The following PCSK6 variants were observed in gnomAD, a reference collection of about 807,000 sequenced individuals.
PCSK6 encodes the protein proprotein convertase subtilisin/kexin type 6.
In PCSK6, 85 loss-of-function variants were observed where a neutral mutation model predicts 123.3. That is an observed-to-expected ratio of 0.69 (90% CI 0.58 to 0.83). The LOEUF is 0.83. Ranked by LOEUF, PCSK6 falls within the 40% of genes least tolerant of loss-of-function variation. The probability of loss-of-function intolerance (pLI) is 0.00; values close to 1 mark genes in which losing one functional copy is unlikely to be tolerated. For synonymous variants in PCSK6, 508 were observed against 516.0 expected (o/e 0.98, Z 0.21); for missense variants, 1,191 against 1,282.3 (o/e 0.93, Z 1.09).
intron 1 of PCSK6, among the ~76,000 whole-genome samples, chr15:101,468,061 CAT>C: frequency 6.6e-6 from 1 of 152,156 alleles, no homozygotes; most frequent in Non-Finnish European, 1.5e-5. Flanking sequence ...AAATGTTAAA[CAT>C]GTTTCAAAAA....
chr15:101,392,536 C>T (rs1317441081), intron 8 of PCSK6, among the ~76,000 whole-genome samples: 1 of 148,474 alleles, frequency 6.7e-6, no homozygotes, highest in Admixed American at 6.7e-5. Flanking sequence ...TACAAGTCAA[C>T]GTAATGACTT....
intron 20 of PCSK6, chr15:101,308,119 C>G (rs1326315361): frequency 6.6e-6 from 1 of 152,258 alleles, no homozygotes; most frequent in Non-Finnish European, 1.5e-5. Context: ...AAGCACTTGC[C>G]GATGCGGGCC....
chr15:101,382,413 TCTG>T (rs1434386231), intron 10 of PCSK6, among the ~76,000 whole-genome samples: 1 of 149,348 alleles, frequency 6.7e-6, no homozygotes, highest in Admixed American at 6.6e-5. Flanking sequence ...CCCAACTCCT[TCTG>T]CTAAATTTAG....
chr15:101,395,853 G>A (rs1158757565), intron 7 of PCSK6, among the ~76,000 whole-genome samples: 7 of 152,140 alleles, frequency 4.6e-5, no homozygotes, highest in Admixed American at 2.6e-4. Context: ...ATGTCTAATG[G>A]TCCCTTCTGA....
At chr15:101,333,021 C>T (rs2040402568) in intron 13 of PCSK6, among the ~76,000 whole-genome samples, 1 of 152,236 alleles carries the variant, frequency 6.6e-6, no homozygotes, top group South Asian at 2.1e-4. Flanking sequence ...TGGGATGAAT[C>T]CACCATAAGT....
chr15:101,307,019 G>GAGGGAAGCTGGGAGAC (rs1281887003), intron 21 of PCSK6, among the ~76,000 whole-genome samples, 194 bp downstream of exon 21: 1 of 152,238 alleles, frequency 6.6e-6, no homozygotes, highest in Non-Finnish European at 1.5e-5. Context: ...GAGAGGCCTA[G>GAGGGAAGCTGGGAGAC]AGGGAAGCTG....
rs759051637 is a variant in PCSK6 at position 101,384,367 on chromosome 15, G to A, written c.1369C>T (p.His457Tyr). Residue 457 changes from histidine (H) to tyrosine (Y), a missense_variant, in exon 10 of 22, where the codon CAC (histidine) becomes TAC (tyrosine). Physicochemically the swap from His to Tyr is moderately conservative, Grantham distance 83. Transcript: ENST00000611716. ...ACTTTCCAGTCGCTCGCTTTCAGGT[G>A]GGCCGGCCGGGATGTCTTCACTAGC... ...HLLVKTSRPA[H>Y]LKASDWKVNG... 1.1e-5 allele frequency: 18 copies of A among 1,613,706 alleles called. No homozygotes were observed. The highest frequency in any genetic ancestry group is 1.2e-5 in the Non-Finnish European group (14 of 1,179,858).
intron 1 of PCSK6, among the ~76,000 whole-genome samples, chr15:101,452,634 G>A (rs573740617): frequency 6.6e-6 from 1 of 152,332 alleles, no homozygotes; most frequent in East Asian, 1.9e-4. Context: ...ATGGGGGAAC[G>A]TGGAATCGAG....
rs531275908 is a variant in PCSK6, at chr15:101,381,507, C to T, written c.1532+585G>A. Among the ~76,000 whole-genome samples, 318 of 152,294 alleles carry T rather than the reference C, an allele frequency of 2.1e-3. 4 individuals carry two copies. Among genetic ancestry groups the T allele is most frequent in the Non-Finnish European group, 9.4e-4 (64 of 68,022 alleles). On this transcript the variant is annotated intron_variant, in intron 11 of 21. Coordinates refer to ENST00000611716, the MANE Select transcript of PCSK6 (RefSeq NM_002570.5). ...TCGAGCCTTGTTAAAAAAATCCCAGCGCTTAAGCCTTAAGAAGGTTGTACG... is the reference window on the plus strand; with the variant it reads ...TCGAGCCTTGTTAAAAAAATCCCAGTGCTTAAGCCTTAAGAAGGTTGTACG...
chr15:101,379,398 A>G (rs1178656823), intron 11 of PCSK6, among the ~76,000 whole-genome samples: 1 of 152,230 alleles, frequency 6.6e-6, no homozygotes, highest in East Asian at 1.9e-4. Flanking sequence ...CGTGCTTAAC[A>G]TCCAGTGAAC....
At chr15:101,338,003 A>T (rs1272499723) in intron 13 of PCSK6, among the ~76,000 whole-genome samples, 1 of 152,210 alleles carries the variant, frequency 6.6e-6, no homozygotes, top group Non-Finnish European at 1.5e-5. Flanking sequence ...CGAAAGTGGA[A>T]CCACTGGGTC....
intron 13 of PCSK6, 67 bp downstream of exon 13, chr15:101,366,129 T>C: frequency 1.3e-6 from 2 of 1,481,596 alleles, no homozygotes; most frequent in Non-Finnish European, 1.8e-6. Flanking sequence ...CGTAGTTAAA[T>C]AAGGCCCAGA....
At chr15:101,323,664 C>CA (rs2040183651) in intron 17 of PCSK6, among the ~76,000 whole-genome samples, 1 of 147,806 alleles carries the variant, frequency 6.8e-6, no homozygotes, top group East Asian at 2.0e-4. Flanking sequence ...ACCCAAGGGG[C>CA]AGAGGGTGCA....
At chr15:101,483,767 G>A (rs747800263) in intron 1 of PCSK6, among the ~76,000 whole-genome samples, 7 of 152,256 alleles carry the variant, frequency 4.6e-5, no homozygotes, top group South Asian at 4.1e-4. Flanking sequence ...CCTGGGCTCC[G>A]TGTCCAGCTC....
In PCSK6 at chr15:101,366,182, CAA is replaced by C. The variant is rs768556807; in HGVS notation, c.1858+12_1858+13del. The C allele has an allele frequency of 1.2e-6, 2 of 1,606,586 alleles. No individual in the cohort carries two copies. Among genetic ancestry groups the C allele is most frequent in the Non-Finnish European group, 1.7e-6 (2 of 1,175,996 alleles). ...GATACAAAAGCTGTCATGAGATTCC[CAA>C]GAGCCACTGACCTTGCTTCTCCGGG... On this transcript the variant is annotated intron_variant, in intron 13 of 21. Transcript: ENST00000611716.
intron 6 of PCSK6, among the ~76,000 whole-genome samples, chr15:101,407,860 C>G (rs1433697793): frequency 6.6e-6 from 1 of 152,258 alleles, no homozygotes; most frequent in African/African-American, 2.4e-5. Context: ...CCTTGCCAAA[C>G]CTAAATAATA....
intron 1 of PCSK6, among the ~76,000 whole-genome samples, chr15:101,464,581 T>C (rs1385988406): frequency 6.6e-6 from 1 of 152,142 alleles, no homozygotes; most frequent in Admixed American, 6.5e-5. Flanking sequence ...CCGGAGTCTG[T>C]GATCGAGCAG....
chr15:101,464,057 G>A (rs1213163398), intron 1 of PCSK6, among the ~76,000 whole-genome samples: 2 of 152,130 alleles, frequency 1.3e-5, no homozygotes, highest in African/African-American at 2.4e-5. Flanking sequence ...AGGGAAGACA[G>A]TGGTTTTGGC....
At chr15:101,459,619 C>A (rs2057294027) in intron 1 of PCSK6, among the ~76,000 whole-genome samples, 1 of 148,702 alleles carries the variant, frequency 6.7e-6, no homozygotes, top group Admixed American at 6.8e-5. Context: ...TTGTGCCACG[C>A]CTCCCAGGTA....
Sources: gnomAD v4.1 joint callset for allele counts (sites outside exome capture counted in the v4.1 genomes callset) on GRCh38, gnomAD v4.1.1 for gene constraint, MANE v1.5 for transcripts, NCBI Gene and HGNC (gene_info 2026-07-23, HGNC 2026-07-21) for gene names.